Variants in ALDH1L1 observed in about 807,000 individuals in gnomAD.
ALDH1L1 encodes the protein cytosolic 10-formyltetrahydrofolate dehydrogenase.
A neutral mutation model predicts 101.1 loss-of-function variants in ALDH1L1; 68 were observed. The observed-to-expected ratio is 0.67, with a 90% CI of 0.55 to 0.82. The LOEUF (loss-of-function observed/expected upper bound fraction) is 0.82, where lower values mean the gene tolerates loss of function less well. Ranked by LOEUF, ALDH1L1 falls within the 40% of genes least tolerant of loss-of-function variation. ALDH1L1 has a pLI of 0.00. For synonymous variants in ALDH1L1, 486 were observed against 470.8 expected (o/e 1.03, Z -0.42); for missense variants, 1,087 against 1,172.7 (o/e 0.93, Z 1.07).
chr3:126,129,934 C>A, intron 14 of ALDH1L1: 1 of 246,042 alleles, frequency 4.1e-6, no homozygotes, highest in Non-Finnish European at 7.7e-6. Context: ...TGCAGGAGTT[C>A]CTCATCTTTA....
At chr3:126,132,251 C>T (rs938922661) in intron 12 of ALDH1L1, among the ~76,000 whole-genome samples, 1 of 152,208 alleles carries the variant, frequency 6.6e-6, no homozygotes, top group East Asian at 1.9e-4. Flanking sequence ...GGAGACAGGG[C>T]AGCTCGGGCC....
intron 18 of ALDH1L1, among the ~76,000 whole-genome samples, chr3:126,113,216 G>A (rs1371716631): frequency 1.3e-5 from 2 of 152,202 alleles, no homozygotes; most frequent in African/African-American, 4.8e-5. Flanking sequence ...ACCCTGGGTG[G>A]CTCACTGGGG....
chr3:126,117,420 C>T (rs925544620), intron 17 of ALDH1L1, among the ~76,000 whole-genome samples: 2 of 151,896 alleles, frequency 1.3e-5, no homozygotes, highest in African/African-American at 4.8e-5. Flanking sequence ...GATGGGAGGC[C>T]GAGTCAGGTG....
rs1165399918 is a variant in ALDH1L1, at chr3:126,114,674, C to T, written c.1983-18G>A. 5 of 1,546,374 alleles carry T rather than the reference C, an allele frequency of 3.2e-6. No homozygotes were observed. In the South Asian group the frequency reaches 3.8e-5, roughly 12 times the overall value. ...TGGCACAGCTGCAAGGAACAGAGGG[C>T]TGGTGGGGCCGGTCCCTCCAGGGCA... On this transcript the variant is annotated intron_variant, in intron 17 of 22. Transcript: ENST00000393434.
At chr3:126,135,382 C>T in intron 12 of ALDH1L1, 153 bp downstream of exon 12, 1 of 1,012,792 alleles carries the variant, frequency 9.9e-7, no homozygotes, top group South Asian at 1.9e-5. Flanking sequence ...GGCAAGGAGC[C>T]CCAGCCTGGC....
rs765643478 is a variant in ALDH1L1 at position 126,135,595 on chromosome 3, G to C, written c.1412C>G (p.Ala471Gly). 1.9e-6 allele frequency: 3 copies of C among 1,598,902 alleles called. No homozygotes were observed. The highest frequency in any genetic ancestry group is 2.6e-6 in the Non-Finnish European group (3 of 1,173,010). Reference protein sequence around the residue: ...VDKAVAAAKDAFENGRWGKIS... With the variant: ...VDKAVAAAKDGFENGRWGKIS... ...CTTCCCCCACCGTCCATTCTCAAAG[G>C]CATCCTTGGCTGCGGCCACTGCCTT... The change falls in exon 12 of 23, where the codon GCC (alanine) becomes GGC (glycine). Residue 471 changes from alanine (A) to glycine (G), a missense_variant. Physicochemically the swap from Ala to Gly is moderately conservative, Grantham distance 60. This residue lies in a region of ALDH1L1 where 645 missense variants were observed against 637.0 expected (regional missense o/e 1.01). Transcript: ENST00000393434.
chr3:126,109,335 G>A (rs1457646326), intron 20 of ALDH1L1, among the ~76,000 whole-genome samples: 1 of 152,204 alleles, frequency 6.6e-6, no homozygotes, highest in Non-Finnish European at 1.5e-5. Context: ...GGAGCAGCAG[G>A]TGTGTGTGTC....
At chr3:126,177,523 C>T (rs1199325346) in intron 1 of ALDH1L1, among the ~76,000 whole-genome samples, 1 of 151,702 alleles carries the variant, frequency 6.6e-6, no homozygotes, top group Non-Finnish European at 1.5e-5. Context: ...ACTACAAAGG[C>T]AGTAACCAGT....
intron 1 of ALDH1L1, among the ~76,000 whole-genome samples, chr3:126,194,514 T>G (rs946647934): frequency 2.0e-5 from 3 of 152,182 alleles, no homozygotes; most frequent in Non-Finnish European, 4.4e-5. Flanking sequence ...TTATAAACCT[T>G]TTATCACCCT....
At position 126,157,362 on chromosome 3, in the gene ALDH1L1, G is replaced by C. The variant is rs1201012970; in HGVS notation, c.509C>G (p.Pro170Arg). ...VSTLYNRFLF[P>R]EGIKGMVQAV... ...CCTCACCATCCCTTTGATGCCTTCA[G>C]GGAAGAGGAAGCGGTTGTACAGCGT... Residue 170 changes from proline to arginine, a missense_variant, in exon 4 of 23, where the codon CCT becomes CGT. Pro to Arg is a moderately radical substitution (Grantham distance 103, BLOSUM62 -2). Coordinates refer to ENST00000393434, the MANE Select transcript of ALDH1L1 (RefSeq NM_012190.4). 3 of 1,613,712 alleles carry C rather than the reference G, an allele frequency of 1.9e-6. No homozygotes were observed. The Admixed American group carries it at 5.0e-5, about 27-fold the overall frequency.
chr3:126,189,219 A>G (rs1352947079), intron 1 of ALDH1L1, among the ~76,000 whole-genome samples: 2 of 152,288 alleles, frequency 1.3e-5, no homozygotes, highest in African/African-American at 4.8e-5. Context: ...GGATTAGCAG[A>G]AAAAAAATTC....
intron 1 of ALDH1L1, among the ~76,000 whole-genome samples, chr3:126,178,378 C>T (rs1026984571): frequency 1.9e-3 from 173 of 92,524 alleles, no homozygotes; most frequent in African/African-American, 8.4e-3. Flanking sequence ...GAGACCCTGT[C>T]TCAAAAAAAA....
At chr3:126,104,032 C>T (rs1945771690) in intron 22 of ALDH1L1, 186 bp from the exon 23 acceptor site, 2 of 623,160 alleles carry the variant, frequency 3.2e-6, no homozygotes, top group African/African-American at 3.7e-5. Flanking sequence ...GGATAGTGGG[C>T]CAGGACTCCC....
At chr3:126,177,061 C>G (rs2081375710) in intron 1 of ALDH1L1, among the ~76,000 whole-genome samples, 1 of 152,180 alleles carries the variant, frequency 6.6e-6, no homozygotes, top group African/African-American at 2.4e-5. Flanking sequence ...ACAACAAATG[C>G]TGATGAGGCT....
chr3:126,141,520 T>C (rs767684658), intron 9 of ALDH1L1, among the ~76,000 whole-genome samples: 5 of 151,994 alleles, frequency 3.3e-5, no homozygotes, highest in Admixed American at 6.5e-5. Context: ...CTAATCAAAA[T>C]GGAATGAGAC....
chr3:126,129,355 G>T (rs1191624004), intron 14 of ALDH1L1: 6 of 152,324 alleles, frequency 3.9e-5, no homozygotes, highest in African/African-American at 1.4e-4. Context: ...CAGCTGTGAG[G>T]TCCCCTACCC....
At chr3:126,192,942 C>T (rs907663002) in intron 1 of ALDH1L1, among the ~76,000 whole-genome samples, 11 of 152,126 alleles carry the variant, frequency 7.2e-5, no homozygotes, top group Admixed American at 1.3e-4. Flanking sequence ...ATACAGGAAT[C>T]GGAGGTGAGG....
rs753857519 is a variant in ALDH1L1 at position 126,158,547 on chromosome 3, G to C, written c.220C>G (p.Gln74Glu). 2 of 1,614,108 alleles carry C rather than the reference G, an allele frequency of 1.2e-6. No individual in the cohort carries two copies. The highest frequency in any genetic ancestry group is 1.7e-6 in the Non-Finnish European group (2 of 1,180,042). Residue 74 changes from glutamine to glutamate, a missense_variant, in exon 3 of 23, where the codon CAG becomes GAG. By Grantham distance (29) the Gln-to-Glu change is conservative. Transcript: ENST00000393434. ...QALPDVVAKY[Q>E]ALGAELNVLP... ...ACGTTGAGCTCGGCCCCCAAAGCCTGGTATTTTGCCACCACATCAGGCAAA... is the reference window on the plus strand; with the variant it reads ...ACGTTGAGCTCGGCCCCCAAAGCCTCGTATTTTGCCACCACATCAGGCAAA...
chr3:126,186,030 G>A (rs2081515606), upstream of ALDH1L1, among the ~76,000 whole-genome samples: 1 of 152,140 alleles, frequency 6.6e-6, no homozygotes, highest in South Asian at 2.1e-4. Flanking sequence ...AGGGGCCATG[G>A]GGAGGGGAGA....
Sources: allele counts gnomAD v4.1 joint callset (sites outside exome capture counted in the v4.1 genomes callset), GRCh38; gene constraint gnomAD v4.1.1; regional missense constraint gnomAD v4.1.1; transcripts MANE v1.5; gene names NCBI Gene and HGNC (gene_info 2026-07-23, HGNC 2026-07-21).